The following MYO5C variants were observed in gnomAD, a reference collection of about 807,000 sequenced individuals.
MYO5C encodes unconventional myosin-Vc.
In MYO5C, 194 loss-of-function variants were observed where a neutral mutation model predicts 235.7. That is an observed-to-expected ratio of 0.82 (90% CI 0.73 to 0.93). The LOEUF is 0.93. Ranked by LOEUF, MYO5C falls within the 40% of genes least tolerant of loss-of-function variation. MYO5C has a pLI of 0.00. For synonymous variants in MYO5C, 707 were observed against 754.8 expected (o/e 0.94, Z 1.04); for missense variants, 2,038 against 2,127.2 (o/e 0.96, Z 0.82).
intron 24 of MYO5C, 54 bp downstream of exon 24, chr15:52,232,568 A>G: frequency 6.5e-7 from 1 of 1,549,266 alleles, no homozygotes; most frequent in Non-Finnish European, 8.9e-7. Flanking sequence ...GGAAAATATA[A>G]AACAGCACAG....
At chr15:52,275,815 C>T (rs1596223440) in intron 4 of MYO5C, 97 bp from the exon 5 acceptor site, 1 of 1,195,528 alleles carries the variant, frequency 8.4e-7, no homozygotes, top group Non-Finnish European at 1.2e-6. Flanking sequence ...AAGAGGGAAA[C>T]TGTTTTGTCA....
At chr15:52,215,462 C>T (rs1402380848) in intron 32 of MYO5C, among the ~76,000 whole-genome samples, 1 of 152,230 alleles carries the variant, frequency 6.6e-6, no homozygotes, top group Non-Finnish European at 1.5e-5. Context: ...ACCCACCATG[C>T]AGGGTCACTG....
intron 23 of MYO5C, among the ~76,000 whole-genome samples, chr15:52,233,697 C>T (rs770086229): frequency 1.3e-5 from 2 of 152,172 alleles, no homozygotes; most frequent in African/African-American, 4.8e-5. Flanking sequence ...GTCTGCAGGC[C>T]GAAGGGCAGG....
chr15:52,280,959 G>A (rs898631383), intron 2 of MYO5C, among the ~76,000 whole-genome samples: 1 of 152,304 alleles, frequency 6.6e-6, no homozygotes, highest in Non-Finnish European at 1.5e-5. Context: ...TCCACAACTG[G>A]ACACGGATGC....
At chr15:52,252,032 TA>T (rs1232652980) in intron 12 of MYO5C, among the ~76,000 whole-genome samples, 5 of 152,312 alleles carry the variant, frequency 3.3e-5, no homozygotes, top group African/African-American at 1.2e-4. Context: ...TAGGGCACTT[TA>T]AAAATTATTA....
chr15:52,223,698 T>A lies in MYO5C; in HGVS notation c.3473A>T (p.Gln1158Leu). Residue 1158 changes from glutamine to leucine, a missense_variant, in exon 29 of 41, where the codon CAG (glutamine) becomes CTG (leucine). By Grantham distance (113) the Gln-to-Leu change is moderately radical (BLOSUM62 -2). Transcript: ENST00000261839. ...AATCTCCTTTTCATAGCAATCCTTC[T>A]GAGACTGGAAATGGCTCTCCAAAAC... ...TRVLESHFQS[Q>L]KDCYEKEIEA... is the part of the protein sequence containing the mutation. 2 of 1,614,106 alleles carry A rather than the reference T, an allele frequency of 1.2e-6. No homozygotes were observed. Among genetic ancestry groups the A allele is most frequent in the African/African-American group, 1.3e-5 (1 of 75,038 alleles).
intron 38 of MYO5C, among the ~76,000 whole-genome samples, chr15:52,202,371 C>T (rs1471561043): frequency 6.6e-6 from 1 of 152,000 alleles, no homozygotes; most frequent in Non-Finnish European, 1.5e-5. Flanking sequence ...AGTGAGACCC[C>T]CATCTCAAAA....
intron 31 of MYO5C, among the ~76,000 whole-genome samples, chr15:52,219,526 A>G (rs906526989): frequency 3.3e-5 from 5 of 152,318 alleles, no homozygotes; most frequent in South Asian, 2.1e-4. Context: ...AAGGCAACCA[A>G]CTGCCTGGAG....
intron 2 of MYO5C, among the ~76,000 whole-genome samples, chr15:52,281,333 G>C (rs538568948): frequency 6.6e-6 from 1 of 152,342 alleles, no homozygotes; most frequent in East Asian, 1.9e-4. Context: ...AGGTCTGGCT[G>C]CCCGCCATCC....
chr15:52,263,828 T>C (rs2036743871), intron 9 of MYO5C, among the ~76,000 whole-genome samples: 1 of 152,180 alleles, frequency 6.6e-6, no homozygotes, highest in Admixed American at 6.5e-5. Context: ...CATATTTGCT[T>C]GTTGTGTCTC....
intron 10 of MYO5C, among the ~76,000 whole-genome samples, chr15:52,258,048 A>C (rs4278685): frequency 0.97 from 147,912 of 152,248 alleles, 72,009 homozygotes; most frequent in East Asian, 1. Flanking sequence ...GGGGAAGATT[A>C]AAAAGGGTCT....
chr15:52,275,157 CT>C (rs1285101621), intron 5 of MYO5C, among the ~76,000 whole-genome samples: 1 of 152,254 alleles, frequency 6.6e-6, no homozygotes, highest in South Asian at 2.1e-4. Context: ...TACTTCTCCC[CT>C]GACTGATGTC....
intron 21 of MYO5C, among the ~76,000 whole-genome samples, chr15:52,238,503 G>C (rs945662157): frequency 1.2e-4 from 19 of 152,232 alleles, no homozygotes; most frequent in Admixed American, 1.2e-3. Context: ...TTAAGGCTAA[G>C]TTTAAAGCTC....
At chr15:52,285,194 C>T (rs982298869) in intron 1 of MYO5C, among the ~76,000 whole-genome samples, 12 of 152,070 alleles carry the variant, frequency 7.9e-5, no homozygotes, top group African/African-American at 2.9e-4. Flanking sequence ...ATGGTGAAAC[C>T]CTGTCTCTAC....
chr15:52,226,086 GA>G (rs200318679), intron 25 of MYO5C, among the ~76,000 whole-genome samples: 4 of 143,876 alleles, frequency 2.8e-5, no homozygotes, highest in Middle Eastern at 3.5e-3. Context: ...GTTACATAAA[GA>G]AAAAAAAATA....
intron 38 of MYO5C, 150 bp from the exon 39 acceptor site, chr15:52,196,633 A>T: frequency 1.4e-6 from 1 of 696,476 alleles, no homozygotes; most frequent in Non-Finnish European, 2.4e-6. Flanking sequence ...TGGACTGATG[A>T]TCAGCTCTCC....
At chr15:52,237,771 C>A (rs1596175817) in intron 21 of MYO5C, 125 bp from the exon 22 acceptor site, 3 of 838,782 alleles carry the variant, frequency 3.6e-6, no homozygotes. Flanking sequence ...TCACACTTAT[C>A]ACTGCACTGA....
intron 38 of MYO5C, among the ~76,000 whole-genome samples, chr15:52,198,106 G>C (rs2035095873): frequency 5.3e-5 from 8 of 151,988 alleles, no homozygotes; most frequent in Admixed American, 2.6e-4. Flanking sequence ...ACCGAGGCAG[G>C]CTGATCGCTT....
At chr15:52,227,158 A>C (rs28654873) in intron 25 of MYO5C, among the ~76,000 whole-genome samples, 7 of 151,040 alleles carry the variant, frequency 4.6e-5, no homozygotes, top group Non-Finnish European at 7.4e-5. Context: ...CTCAAAAAAA[A>C]CCCAAAAAAC....
Sources: gnomAD v4.1 joint callset for allele counts (sites outside exome capture counted in the v4.1 genomes callset) on GRCh38, gnomAD v4.1.1 for gene constraint, MANE v1.5 for transcripts, NCBI Gene and HGNC (gene_info 2026-07-23, HGNC 2026-07-21) for gene names.